Variants in SPIDR observed in about 807,000 individuals in gnomAD.
The protein encoded by SPIDR is scaffold protein involved in DNA repair.
SPIDR carries 93 observed loss-of-function variants against 104.6 expected under a neutral mutation model. The ratio of observed to expected loss-of-function variants is 0.89; its 90% confidence interval spans 0.75 to 1.06. The LOEUF is 1.06. Among genes scored for constraint, SPIDR ranks in the 50% least tolerant of loss-of-function variants. The probability of loss-of-function intolerance (pLI) is 0.00; values close to 1 mark genes in which losing one functional copy is unlikely to be tolerated. For missense variants in SPIDR, 1,154 were observed against 1,111.2 expected, an observed-to-expected ratio of 1.04 and a Z score of -0.55; for synonymous variants, 431 against 416.9, an observed-to-expected ratio of 1.03 and a Z score of -0.41.
intron 10 of SPIDR, among the ~76,000 whole-genome samples, chr8:47,611,461 G>A (rs189783285): frequency 6.6e-6 from 1 of 152,270 alleles, no homozygotes; most frequent in Non-Finnish European, 1.5e-5. Flanking sequence ...CACTTTGGGA[G>A]GCCGAGACGG....
intron 10 of SPIDR, among the ~76,000 whole-genome samples, chr8:47,652,932 G>T (rs1335804615): frequency 1.3e-5 from 2 of 152,144 alleles, no homozygotes; most frequent in South Asian, 4.1e-4. Flanking sequence ...GTTTCCTGTT[G>T]TGCTAGTAGG....
intron 8 of SPIDR, among the ~76,000 whole-genome samples, chr8:47,558,211 G>A (rs575112377): frequency 2.3e-4 from 35 of 152,264 alleles, no homozygotes; most frequent in African/African-American, 8.4e-4. Flanking sequence ...TATGTTCACT[G>A]TTGAGGTGAC....
rs545462327 is a variant in SPIDR, at chr8:47,511,112, T to C, written c.1097+70570T>C. ...CAGCTCTCGTCAGCCAGCTCTTTGT[T>C]TGGGAAAGTAGTCATGAGGATAAAG... On this transcript the variant is annotated intron_variant, in intron 8 of 19. Transcript: ENST00000297423. 2.8e-4 allele frequency: 412 copies of C among 1,480,946 alleles called. 9 individuals are homozygous for C. In the South Asian group the frequency reaches 3.3e-3, roughly 12 times the overall value. 91.7% of individuals were successfully genotyped at this position (1,480,946 alleles called of 1,614,324 possible).
At chr8:47,640,883 T>C (rs2068822971) in intron 10 of SPIDR, among the ~76,000 whole-genome samples, 1 of 128,062 alleles carries the variant, frequency 7.8e-6, no homozygotes, top group Non-Finnish European at 1.7e-5. Context: ...TTTTTTTTTT[T>C]TTGTATTTTG....
chr8:47,466,898 A>AGTAT (rs1242893166), intron 8 of SPIDR, among the ~76,000 whole-genome samples: 1 of 86,868 alleles, frequency 1.2e-5, no homozygotes, highest in African/African-American at 4.8e-5. Context: ...AAAAAAAAAA[A>AGTAT]AAATATATAT....
At chr8:47,687,269 TAAC>T (rs5891251) in intron 11 of SPIDR, among the ~76,000 whole-genome samples, 2,122 of 152,308 alleles carry the variant, frequency 0.014, 160 homozygotes, top group Admixed American at 0.12. Context: ...ACATAAATTA[TAAC>T]AACAATTTAA....
chr8:47,445,225 A>G (rs1249044395), intron 8 of SPIDR, among the ~76,000 whole-genome samples: 3 of 152,238 alleles, frequency 2.0e-5, no homozygotes, highest in Non-Finnish European at 4.4e-5. Flanking sequence ...TTCTAACAGC[A>G]TGTGCTCACC....
chr8:47,326,427 A>G (rs1455063197), intron 5 of SPIDR, among the ~76,000 whole-genome samples: 17 of 152,230 alleles, frequency 1.1e-4, no homozygotes, highest in Admixed American at 3.9e-4. Flanking sequence ...CAGGTCTCTC[A>G]GTTTACTTTT....
chr8:47,691,372 C>A (rs1415908608), intron 11 of SPIDR, among the ~76,000 whole-genome samples: 1 of 151,500 alleles, frequency 6.6e-6, no homozygotes, highest in South Asian at 2.1e-4. Flanking sequence ...GGAAATGTTT[C>A]GTAAGTTCCC....
intron 5 of SPIDR, among the ~76,000 whole-genome samples, chr8:47,322,967 T>A (rs2047001177): frequency 6.6e-6 from 1 of 152,014 alleles, no homozygotes; most frequent in South Asian, 2.1e-4. Flanking sequence ...AGGGATAGCA[T>A]TAGGAGGTAT....
chr8:47,526,249 A>G (rs927738014), intron 8 of SPIDR, among the ~76,000 whole-genome samples: 4 of 152,210 alleles, frequency 2.6e-5, no homozygotes, highest in Admixed American at 1.3e-4. Flanking sequence ...ACATCACAAC[A>G]TGTGCATTTC....
intron 8 of SPIDR, among the ~76,000 whole-genome samples, chr8:47,570,822 G>T (rs2154405922): frequency 6.6e-6 from 1 of 152,284 alleles, no homozygotes; most frequent in Non-Finnish European, 1.5e-5. Context: ...GCCGGGTGTG[G>T]TGGCTCACGC....
chr8:47,402,626 A>G (rs782030427), intron 6 of SPIDR, among the ~76,000 whole-genome samples: 9 of 152,196 alleles, frequency 5.9e-5, no homozygotes, highest in South Asian at 4.1e-4. Context: ...ATTCCAGCAC[A>G]CATACACCCT....
In SPIDR at chr8:47,324,078, A is replaced by AAG. The variant is rs547090884; in HGVS notation, c.525+30048_525+30049insAG. Among the ~76,000 whole-genome samples the AAG allele has an allele frequency of 3.0e-3, 458 of 152,316 alleles. 3 individuals are homozygous for AAG. The highest frequency in any genetic ancestry group is 5.2e-3 in the Admixed American group (80 of 15,298). The stretch of plus-strand genomic sequence containing the variant: ...TTAACTGAAATACATGTTCTTTTCT[A>AAG]GAGACCTTATTCTGTAAATCATAAT... On this transcript the variant is annotated intron_variant, in intron 5 of 19. Transcript: ENST00000297423.
intron 7 of SPIDR, among the ~76,000 whole-genome samples, chr8:47,431,123 T>A (rs1286020759): frequency 6.6e-6 from 1 of 152,196 alleles, no homozygotes; most frequent in Non-Finnish European, 1.5e-5. Flanking sequence ...GGAGTCCTGG[T>A]GAGAGCCCTT....
At chr8:47,397,405 A>C (rs1486772434) in intron 6 of SPIDR, among the ~76,000 whole-genome samples, 1 of 152,168 alleles carries the variant, frequency 6.6e-6, no homozygotes, top group African/African-American at 2.4e-5. Flanking sequence ...CCGAGGCAGG[A>C]GAATTGCTTG....
rs564250500 is a variant in SPIDR at position 47,579,007 on chromosome 8, A to G, written c.1098-16804A>G. Among the ~76,000 whole-genome samples the G allele has an allele frequency of 9.2e-4, 140 of 152,306 alleles. 2 individuals carry two copies. Among genetic ancestry groups the G allele is most frequent in the Non-Finnish European group, 1.6e-3 (106 of 68,014 alleles). On this transcript the variant is annotated intron_variant, in intron 8 of 19. Coordinates refer to ENST00000297423, the MANE Select transcript of SPIDR (RefSeq NM_001080394.4). ...ACTTCTTATTTCTGAAATTATCTTTATGCTTCAGTTTAGAGTCATTTTCTA... is the reference window on the plus strand; with the variant it reads ...ACTTCTTATTTCTGAAATTATCTTTGTGCTTCAGTTTAGAGTCATTTTCTA...
At chr8:47,556,357 C>T (rs2091323391) in intron 8 of SPIDR, among the ~76,000 whole-genome samples, 1 of 152,208 alleles carries the variant, frequency 6.6e-6, no homozygotes, top group African/African-American at 2.4e-5. Flanking sequence ...CTTCATTCTA[C>T]TCTAGAGACA....
intron 10 of SPIDR, among the ~76,000 whole-genome samples, chr8:47,620,529 A>G (rs1438243877): frequency 6.6e-6 from 1 of 151,518 alleles, no homozygotes; most frequent in Admixed American, 6.6e-5. Flanking sequence ...CAGCCTCCCA[A>G]AGTGCTGGGA....
Sources: gnomAD v4.1 joint callset for allele counts (sites outside exome capture counted in the v4.1 genomes callset) on GRCh38, gnomAD v4.1.1 for gene constraint, MANE v1.5 for transcripts, NCBI Gene and HGNC (gene_info 2026-07-23, HGNC 2026-07-21) for gene names.